Variants in PARP8 observed in about 807,000 individuals in gnomAD.
PARP8 encodes poly(ADP-ribose) polymerase family member 8.
A neutral mutation model predicts 124.1 loss-of-function variants in PARP8; 51 were observed. The ratio of observed to expected loss-of-function variants is 0.41; its 90% CI spans 0.33 to 0.52. PARP8 has a LOEUF of 0.52. PARP8 is among the 20% of genes least tolerant of loss of function. The pLI is 0.21. For missense variants in PARP8, 860 were observed against 1,018.9 expected (o/e 0.84, Z 2.12); for synonymous variants, 391 against 361.5 (o/e 1.08, Z -0.93).
At chr5:50,804,948 A>G (rs1354100560) in intron 14 of PARP8, among the ~76,000 whole-genome samples, 2 of 152,052 alleles carry the variant, frequency 1.3e-5, no homozygotes, top group Non-Finnish European at 2.9e-5. Context: ...TCCAAAATGG[A>G]AAGAAGGTTA....
rs1035732594 is a variant in PARP8 at position 50,843,162 on chromosome 5, C to G, written c.*1094C>G. On this transcript the variant is annotated 3_prime_UTR_variant, in exon 26 of 26. Transcript: ENST00000281631. Reference sequence around the variant, plus strand: ...TTTATAGAGAACAGTAACACCAGCTCTCAGCATTTCCTTTTCAAGAGTCAT... The same window carrying G: ...TTTATAGAGAACAGTAACACCAGCTGTCAGCATTTCCTTTTCAAGAGTCAT... 2.0e-5 allele frequency: 3 copies of G among 151,650 alleles called. No individual in the cohort carries two copies. The highest frequency in any genetic ancestry group is 4.4e-5 in the Non-Finnish European group (3 of 67,790). The allele number at this position is 151,650 out of a possible 1,614,324, so 9.4% of individuals were successfully genotyped here.
At chr5:50,740,684 G>A (rs765021684) in intron 2 of PARP8, among the ~76,000 whole-genome samples, 4 of 151,940 alleles carry the variant, frequency 2.6e-5, no homozygotes, top group Non-Finnish European at 4.4e-5. Context: ...ATGGTGACTT[G>A]GGTCTGTAGT....
intron 9 of PARP8, among the ~76,000 whole-genome samples, chr5:50,781,778 C>G (rs1443135576): frequency 6.6e-6 from 1 of 152,166 alleles, no homozygotes; most frequent in African/African-American, 2.4e-5. Flanking sequence ...AGTGGCCTAG[C>G]TACTCTGTTT....
intron 2 of PARP8, among the ~76,000 whole-genome samples, chr5:50,731,670 A>C (rs574067796): frequency 7.9e-5 from 12 of 152,304 alleles, no homozygotes; most frequent in Non-Finnish European, 1.2e-4. Context: ...ATATATTTAT[A>C]GATTTCTTAC....
At chr5:50,827,119 A>T (rs961770585) in intron 19 of PARP8, among the ~76,000 whole-genome samples, 5 of 152,144 alleles carry the variant, frequency 3.3e-5, no homozygotes, top group African/African-American at 1.2e-4. Flanking sequence ...GTGCTTTATA[A>T]TCGTTGTCAG....
chr5:50,826,814 T>G lies in PARP8; in HGVS notation c.1977+11T>G. On this transcript the variant is annotated intron_variant, in intron 19 of 25. Coordinates refer to ENST00000281631, the MANE Select transcript of PARP8 (RefSeq NM_024615.4). The stretch of plus-strand genomic sequence containing the variant: ...CTGCCAGTTAACAGGGTAAGTTGTT[T>G]TTTTTTTTTTTACATATGCATACAG... 3 of 1,506,170 alleles carry G rather than the reference T, an allele frequency of 2.0e-6. No homozygotes were observed. Among genetic ancestry groups the G allele is most frequent in the South Asian group, 1.2e-5 (1 of 80,286 alleles). The allele number at this position is 1,506,170 out of a possible 1,614,324, so 93.3% of individuals were successfully genotyped here.
At chr5:50,759,310 A>G (rs1357686375) in intron 3 of PARP8, among the ~76,000 whole-genome samples, 1 of 152,078 alleles carries the variant, frequency 6.6e-6, no homozygotes, top group African/African-American at 2.4e-5. Flanking sequence ...AGATGCTGAT[A>G]TTGGGAAGGA....
intron 25 of PARP8, among the ~76,000 whole-genome samples, chr5:50,835,919 A>G (rs1747531325): frequency 6.6e-6 from 1 of 152,124 alleles, no homozygotes; most frequent in Admixed American, 6.6e-5. Flanking sequence ...CACCTTATCC[A>G]TGATCTTGTC....
chr5:50,673,623 A>G (rs1178216492), intron 2 of PARP8, among the ~76,000 whole-genome samples: 1 of 152,220 alleles, frequency 6.6e-6, no homozygotes, highest in Non-Finnish European at 1.5e-5. Flanking sequence ...CTTAAGGGAC[A>G]TTGGTTGAAT....
chr5:50,713,163 G>A (rs1183566869), intron 2 of PARP8, among the ~76,000 whole-genome samples: 3 of 152,034 alleles, frequency 2.0e-5, no homozygotes, highest in Non-Finnish European at 4.4e-5. Context: ...CTGTGGTGAT[G>A]TTTCAATAAG....
At chr5:50,832,032 C>T (rs1580498002) in intron 22 of PARP8, among the ~76,000 whole-genome samples, 2 of 152,268 alleles carry the variant, frequency 1.3e-5, no homozygotes, top group South Asian at 4.1e-4. Context: ...TCCCCATCCA[C>T]CCCTCCACCT....
At chr5:50,680,484 A>G (rs1751166018) in intron 2 of PARP8, among the ~76,000 whole-genome samples, 1 of 152,140 alleles carries the variant, frequency 6.6e-6, no homozygotes, top group Non-Finnish European at 1.5e-5. Flanking sequence ...ATATGCACAC[A>G]AATCTCCAAT....
At chr5:50,712,840 G>GTT (rs1281644726) in intron 2 of PARP8, among the ~76,000 whole-genome samples, 2 of 143,654 alleles carry the variant, frequency 1.4e-5, no homozygotes, top group Admixed American at 6.9e-5. Context: ...GAGGAACAAG[G>GTT]TTTTTTTTTT....
chr5:50,795,971 T>TA (rs1487931582), intron 12 of PARP8, among the ~76,000 whole-genome samples: 1 of 152,228 alleles, frequency 6.6e-6, no homozygotes, highest in Admixed American at 6.5e-5. Flanking sequence ...CTTTATGCTG[T>TA]AGCCGTTTTT....
At position 50,846,489 on chromosome 5, in the gene PARP8, T is replaced by G. The variant is rs546201365; in HGVS notation, c.*4421T>G. The G allele has an allele frequency of 6.6e-6, 1 of 151,776 alleles. No individual in the cohort carries two copies. The highest frequency in any genetic ancestry group is 1.5e-5 in the Non-Finnish European group (1 of 67,794). 9.4% of individuals were successfully genotyped at this position (151,776 alleles called of 1,614,324 possible). ...CAACATTGTAGCGAATGTAAATGTT[T>G]ACTTTCAATAAATCTGAACTTGTTC... On this transcript the variant is annotated 3_prime_UTR_variant, in exon 26 of 26. Coordinates refer to ENST00000281631, the MANE Select transcript of PARP8 (RefSeq NM_024615.4).
chr5:50,678,770 T>C (rs1238221585), intron 2 of PARP8, among the ~76,000 whole-genome samples: 2 of 152,164 alleles, frequency 1.3e-5, no homozygotes, highest in Non-Finnish European at 2.9e-5. Flanking sequence ...TTCTTGGAAA[T>C]GTACAGAGTC....
At chr5:50,778,730 G>A in intron 9 of PARP8, 80 bp downstream of exon 9, 2 of 860,578 alleles carry the variant, frequency 2.3e-6, no homozygotes, top group East Asian at 2.9e-5. Flanking sequence ...GTGTTCATTT[G>A]TCAGTTCTGA....
At chr5:50,734,409 C>T (rs1757282374) in intron 2 of PARP8, among the ~76,000 whole-genome samples, 1 of 152,078 alleles carries the variant, frequency 6.6e-6, no homozygotes, top group Non-Finnish European at 1.5e-5. Flanking sequence ...TTTGGGCTGT[C>T]TCTGGAGAAC....
At chr5:50,697,166 G>C (rs1028723508) in intron 2 of PARP8, among the ~76,000 whole-genome samples, 4 of 152,170 alleles carry the variant, frequency 2.6e-5, no homozygotes, top group Non-Finnish European at 5.9e-5. Context: ...TGAGGCAGGA[G>C]AATCGCTTGA....
Sources: allele counts gnomAD v4.1 joint callset (sites outside exome capture counted in the v4.1 genomes callset), GRCh38; gene constraint gnomAD v4.1.1; transcripts MANE v1.5; gene names NCBI Gene and HGNC (gene_info 2026-07-23, HGNC 2026-07-21).